Variants in NRXN3 observed in about 807,000 individuals in gnomAD.
NRXN3 encodes neurexin 3.
A neutral mutation model predicts 137.6 loss-of-function variants in NRXN3; 32 were observed. The observed-to-expected ratio is 0.23, with a 90% CI of 0.18 to 0.31. The LOEUF is 0.31. NRXN3 is among the 10% of genes least tolerant of loss of function. The probability of loss-of-function intolerance (pLI) is 1.00; values close to 1 mark genes in which losing one functional copy is unlikely to be tolerated. For synonymous variants in NRXN3, 798 were observed against 784.5 expected (o/e 1.02, Z -0.29); for missense variants, 1,574 against 2,062.5 (o/e 0.76, Z 4.59).
chr14:79,434,231 T>C (rs1226166464), intron 15 of NRXN3, among the ~76,000 whole-genome samples: 4 of 151,982 alleles, frequency 2.6e-5, no homozygotes, highest in African/African-American at 9.7e-5. Context: ...GGTTACCCAA[T>C]ATCCACACAT....
chr14:78,973,733 C>T (rs2099453087), intron 14 of NRXN3, among the ~76,000 whole-genome samples: 1 of 152,100 alleles, frequency 6.6e-6, no homozygotes, highest in Non-Finnish European at 1.5e-5. Context: ...TGCTATGTCT[C>T]AGAATAACAA....
intron 15 of NRXN3, among the ~76,000 whole-genome samples, chr14:79,272,115 C>T (rs1017454947): frequency 6.6e-6 from 1 of 152,100 alleles, no homozygotes; most frequent in Admixed American, 6.5e-5. Flanking sequence ...ATTCTCTATT[C>T]CCCTGTGTGC....
At chr14:79,811,043 T>C (rs1349248547) in intron 20 of NRXN3, among the ~76,000 whole-genome samples, 1 of 152,228 alleles carries the variant, frequency 6.6e-6, no homozygotes, top group Non-Finnish European at 1.5e-5. Context: ...TTATTCACTT[T>C]AGATTTTTCT....
intron 2 of NRXN3, among the ~76,000 whole-genome samples, chr14:78,244,201 G>A (rs1265062078): frequency 3.3e-5 from 5 of 152,110 alleles, no homozygotes; most frequent in East Asian, 1.9e-4. Context: ...AGGCCGAAGC[G>A]GGCAGATCAC....
rs114519613 is a variant in NRXN3 at position 79,510,946 on chromosome 14, T to A, written c.3444+43544T>A. ...ACAGGCTCCCCAGTGAGACCCCAGC[T>A]GTTGAGCAAGAGACTCTGTAGTGTC... On this transcript the variant is annotated intron_variant, in intron 16 of 20. Transcript: ENST00000335750. Among the ~76,000 whole-genome samples, 116 of 152,294 alleles carry A rather than the reference T, an allele frequency of 7.6e-4. 1 individual carries two copies. Among genetic ancestry groups the A allele is most frequent in the African/African-American group, 2.8e-3 (115 of 41,552 alleles).
intron 10 of NRXN3, among the ~76,000 whole-genome samples, chr14:78,831,497 T>TA (rs1455248866): frequency 8.8e-6 from 1 of 114,064 alleles, no homozygotes; most frequent in Non-Finnish European, 1.6e-5. Context: ...ATTGTGCCAC[T>TA]ACACTCCAGC....
intron 15 of NRXN3, among the ~76,000 whole-genome samples, chr14:79,383,142 C>G (rs933339428): frequency 2.0e-5 from 3 of 152,114 alleles, no homozygotes; most frequent in African/African-American, 7.2e-5. Flanking sequence ...TCCCAATCCT[C>G]CAGTTCTAAC....
intron 1 of NRXN3, among the ~76,000 whole-genome samples, chr14:78,194,480 G>A (rs1275009692): frequency 2.0e-5 from 3 of 152,208 alleles, no homozygotes; most frequent in African/African-American, 7.2e-5. Flanking sequence ...GGCTCAGAGT[G>A]TGGGCTCCTA....
chr14:79,627,300 G>A (rs532020258), intron 16 of NRXN3, among the ~76,000 whole-genome samples: 3 of 152,288 alleles, frequency 2.0e-5, no homozygotes, highest in Admixed American at 1.3e-4. Flanking sequence ...AGAACCAGGG[G>A]AATGGGGGCA....
chr14:78,187,080 C>A (rs2060290671), intron 1 of NRXN3, among the ~76,000 whole-genome samples: 2 of 152,238 alleles, frequency 1.3e-5, no homozygotes, highest in South Asian at 4.2e-4. Flanking sequence ...CTACTTTGTG[C>A]ATGGATTGTG....
At position 79,708,808 on chromosome 14, in the gene NRXN3, A is replaced by T. The variant is rs566566116; in HGVS notation, c.4014+10871A>T. 2.0e-5 allele frequency among the ~76,000 whole-genome samples: 3 copies of T among 152,292 alleles called. No homozygotes were observed. The East Asian group carries it at 5.8e-4, about 29-fold the overall frequency. ...TTGTAAGGTTCTCCTTGATTTCCTC[A>T]TCATTCATGGATGAAATAATTGGGG... On this transcript the variant is annotated intron_variant, in intron 19 of 20. Transcript: ENST00000335750.
intron 19 of NRXN3, among the ~76,000 whole-genome samples, chr14:79,746,583 G>T (rs1014067844): frequency 1.3e-5 from 2 of 152,088 alleles, no homozygotes; most frequent in Admixed American, 1.3e-4. Flanking sequence ...CATCATGTTA[G>T]TAGTAAGTTA....
intron 16 of NRXN3, among the ~76,000 whole-genome samples, chr14:79,568,628 C>T (rs1567531092): frequency 1.3e-5 from 2 of 152,170 alleles, no homozygotes; most frequent in Non-Finnish European, 2.9e-5. Flanking sequence ...CGGGAGACTC[C>T]TCCTGTGGCT....
At chr14:78,957,434 T>C in intron 11 of NRXN3, 73 bp downstream of exon 11, 2 of 1,534,632 alleles carry the variant, frequency 1.3e-6, no homozygotes, top group Admixed American at 1.9e-5. Flanking sequence ...GCAAACAGTG[T>C]TTTGCAAAAC....
intron 19 of NRXN3, among the ~76,000 whole-genome samples, chr14:79,759,480 CT>C (rs1224379967): frequency 6.6e-6 from 1 of 151,350 alleles, no homozygotes; most frequent in African/African-American, 2.4e-5. Flanking sequence ...TCTATAAAAT[CT>C]TTTATTTGAG....
chr14:78,730,497 A>C (rs1039596362), intron 8 of NRXN3, among the ~76,000 whole-genome samples: 1 of 152,108 alleles, frequency 6.6e-6, no homozygotes, highest in African/African-American at 2.4e-5. Flanking sequence ...TATTGTTTAA[A>C]GGGCTTTTCC....
chr14:79,527,020 C>T (rs1356156574), intron 16 of NRXN3, among the ~76,000 whole-genome samples: 1 of 152,184 alleles, frequency 6.6e-6, no homozygotes, highest in Non-Finnish European at 1.5e-5. Context: ...GGCACAGTGG[C>T]TCACGCCTGT....
chr14:78,731,195 G>A (rs938344466), intron 8 of NRXN3, among the ~76,000 whole-genome samples: 1 of 152,036 alleles, frequency 6.6e-6, no homozygotes, highest in Non-Finnish European at 1.5e-5. Context: ...TGGTAGGACT[G>A]TTATTCTGTC....
At chr14:78,309,707 G>A (rs35615576) in intron 4 of NRXN3, among the ~76,000 whole-genome samples, 5 of 152,068 alleles carry the variant, frequency 3.3e-5, no homozygotes, top group Non-Finnish European at 7.4e-5. Context: ...TATTTGACAT[G>A]AAACGCTTTT....
Sources: gnomAD v4.1 joint callset for allele counts (sites outside exome capture counted in the v4.1 genomes callset) on GRCh38, gnomAD v4.1.1 for gene constraint, MANE v1.5 for transcripts, NCBI Gene and HGNC (gene_info 2026-07-23, HGNC 2026-07-21) for gene names.